The following NID1 variants were observed in gnomAD, a reference collection of about 807,000 sequenced individuals.
NID1 encodes nidogen-1.
Under a neutral mutation model 130.6 loss-of-function variants are expected in NID1, and 76 were observed. The observed-to-expected ratio is 0.58, with a 90% confidence interval of 0.48 to 0.70. NID1 has a LOEUF of 0.70. Among genes scored for constraint, NID1 ranks in the 30% least tolerant of loss-of-function variants. The pLI, the probability that NID1 is intolerant of heterozygous loss-of-function variation, is 0.00. For missense variants in NID1, 1,517 were observed against 1,664.8 expected (o/e 0.91, Z 1.54); for synonymous variants, 665 against 675.1 (o/e 0.98, Z 0.23).
Position 235,978,993 on chromosome 1 carries a change from AC to A in NID1, c.3622+1del. 6.2e-7 allele frequency: 1 copy of A among 1,606,904 alleles called. No individual in the cohort carries two copies. Among genetic ancestry groups the A allele is most frequent in the Non-Finnish European group, 8.5e-7 (1 of 1,173,480 alleles). On this transcript the variant is annotated splice_donor_variant, in intron 19 of 19. Coordinates refer to ENST00000264187, the MANE Select transcript of NID1 (RefSeq NM_002508.3). LOFTEE classifies it high-confidence loss of function. The stretch of plus-strand genomic sequence containing the variant: ...CCAACAGTAACAGCACAGGAGAGTT[AC>A]CTTGCGGACACTGAGACAGGGCCGT...
chr1:235,991,017 C>A lies in NID1; in HGVS notation c.2797G>T (p.Val933Leu). 1 of 1,610,966 alleles carries A rather than the reference C, an allele frequency of 6.2e-7. No homozygotes were observed. The highest frequency in any genetic ancestry group is 1.1e-5 in the South Asian group (1 of 90,690). ...GGCAAGGGGATCACGGCGGTAGGCA[C>A]CGCAGGTCCTTGGTGAATCGGGGGA... ...VAPPIHQGPA[V>L]PTAVIPLPPG... The change falls in exon 14 of 20, where the codon GTG (valine) becomes TTG (leucine). Residue 933 changes from valine (V) to leucine (L), a missense_variant. Transcript: ENST00000264187.
chr1:235,978,990 G>C lies in NID1; in HGVS notation c.3622+5C>G. 1 of 1,603,598 alleles carries C rather than the reference G, an allele frequency of 6.2e-7. No homozygotes were observed. The highest frequency in any genetic ancestry group is 8.5e-7 in the Non-Finnish European group (1 of 1,170,468). On this transcript the variant is annotated splice_donor_5th_base_variant and intron_variant, in intron 19 of 19. Coordinates refer to ENST00000264187, the MANE Select transcript of NID1 (RefSeq NM_002508.3). Reference sequence around the variant, plus strand: ...ATGCCAACAGTAACAGCACAGGAGAGTTACCTTGCGGACACTGAGACAGGG... The same window carrying C: ...ATGCCAACAGTAACAGCACAGGAGACTTACCTTGCGGACACTGAGACAGGG...
chr1:236,038,376 C>T, intron 4 of NID1, 123 bp from the exon 5 acceptor site: 1 of 980,876 alleles, frequency 1.0e-6, no homozygotes, highest in Non-Finnish European at 1.5e-6. Context: ...ATTCAAGGGA[C>T]CAGGCTCACT....
intron 12 of NID1, among the ~76,000 whole-genome samples, chr1:236,009,245 C>T (rs1028726947): frequency 2.0e-5 from 3 of 152,176 alleles, no homozygotes; most frequent in African/African-American, 7.2e-5. Context: ...AGACCTCTTG[C>T]CCTTTCTACC....
At chr1:236,011,046 T>C (rs1342375134) in intron 12 of NID1, among the ~76,000 whole-genome samples, 3 of 152,044 alleles carry the variant, frequency 2.0e-5, no homozygotes, top group Non-Finnish European at 2.9e-5. Flanking sequence ...AAAAAAAGTG[T>C]ACCTGCACCA....
intron 1 of NID1, among the ~76,000 whole-genome samples, chr1:236,063,759 C>T (rs1660110817): frequency 6.6e-6 from 1 of 152,124 alleles, no homozygotes; most frequent in South Asian, 2.1e-4. Flanking sequence ...TGCACCCAGC[C>T]TGGGCAACAG....
chr1:236,036,962 T>G (rs1361833342), intron 5 of NID1, among the ~76,000 whole-genome samples: 2 of 152,180 alleles, frequency 1.3e-5, no homozygotes, highest in African/African-American at 4.8e-5. Flanking sequence ...TAAGACCGCA[T>G]CTGAAGGGAG....
rs1658441382 is a variant in NID1 at position 236,012,014 on chromosome 1, G to C, written c.2434C>G (p.His812Asp). The C allele has an allele frequency of 6.2e-7, 1 of 1,614,066 alleles. No homozygotes were observed. The highest frequency in any genetic ancestry group is 1.3e-5 in the African/African-American group (1 of 75,054). ...DVDECQPSRCHPDAFCYNTPG... is the reference protein window; with the variant it reads ...DVDECQPSRCDPDAFCYNTPG... ...GTGTTGTAGCAGAAGGCGTCAGGGTGACATCGGCTTGGCTGGCATTCATCT... is the reference window on the plus strand; with the variant it reads ...GTGTTGTAGCAGAAGGCGTCAGGGTCACATCGGCTTGGCTGGCATTCATCT... The change falls in exon 12 of 20, where the codon CAC becomes GAC. Residue 812 changes from histidine to aspartate, a missense_variant. Coordinates refer to ENST00000264187, the MANE Select transcript of NID1 (RefSeq NM_002508.3).
intron 9 of NID1, among the ~76,000 whole-genome samples, chr1:236,017,675 C>T (rs1311246580): frequency 1.3e-5 from 2 of 152,196 alleles, no homozygotes; most frequent in Non-Finnish European, 2.9e-5. Context: ...TGAGCCACCG[C>T]CCCTAGCCTA....
chr1:236,001,799 CCT>C (rs1248371566), intron 12 of NID1, among the ~76,000 whole-genome samples: 2 of 152,206 alleles, frequency 1.3e-5, no homozygotes, highest in African/African-American at 4.8e-5. Flanking sequence ...TTGCACTCCT[CCT>C]CTGTGTGCAG....
intron 1 of NID1, among the ~76,000 whole-genome samples, chr1:236,056,867 C>G (rs1659911142): frequency 6.6e-6 from 1 of 151,968 alleles, no homozygotes; most frequent in African/African-American, 2.4e-5. Context: ...GCCTGAGGCA[C>G]CCCATACAGT....
intron 7 of NID1, among the ~76,000 whole-genome samples, chr1:236,026,698 GT>G (rs1658939808): frequency 6.6e-6 from 1 of 151,386 alleles, no homozygotes; most frequent in Non-Finnish European, 1.5e-5. Context: ...CTTTATATAG[GT>G]TATCTCAATT....
intron 3 of NID1, among the ~76,000 whole-genome samples, chr1:236,043,599 C>T (rs1409497058): frequency 1.3e-5 from 2 of 152,048 alleles, no homozygotes; most frequent in Non-Finnish European, 2.9e-5. Flanking sequence ...GAGATCGAGA[C>T]CATCCTGGCT....
chr1:236,055,499 A>G (rs1376406044), intron 1 of NID1, among the ~76,000 whole-genome samples: 2 of 151,996 alleles, frequency 1.3e-5, no homozygotes, highest in African/African-American at 2.4e-5. Flanking sequence ...TTAAAAACAT[A>G]TAACAGGTCT....
At chr1:236,009,827 T>C (rs996070318) in intron 12 of NID1, among the ~76,000 whole-genome samples, 1 of 152,232 alleles carries the variant, frequency 6.6e-6, no homozygotes, top group East Asian at 1.9e-4. Context: ...TACACGTTTC[T>C]AGTGAACACT....
chr1:236,029,070 G>A (rs767899556), intron 7 of NID1, among the ~76,000 whole-genome samples: 45 of 151,966 alleles, frequency 3.0e-4, no homozygotes, highest in Non-Finnish European at 5.9e-4. Context: ...CCAGCTACTT[G>A]GGAAGCTGAG....
chr1:236,064,647 C>A, intron 1 of NID1: 1 of 615,116 alleles, frequency 1.6e-6, no homozygotes, highest in Non-Finnish European at 2.9e-6. Flanking sequence ...CACCCAGACC[C>A]CGCGACCCGC....
chr1:235,979,994 C>T lies in NID1; in HGVS notation c.3386-49G>A, dbSNP rs1252299539. On this transcript the variant is annotated intron_variant, in intron 17 of 19. Transcript: ENST00000264187. This position sits in a 1 kb window ranked among gnomAD's most constrained non-coding sequence, Gnocchi z 4.6. The stretch of plus-strand genomic sequence containing the variant: ...TTCATTGTTCACACAAGAAATGGCC[C>T]CTTTGTGCAAAAAAAACAAGAGTAA... 3 of 1,592,764 alleles carry T rather than the reference C, an allele frequency of 1.9e-6. No individual in the cohort carries two copies. Among genetic ancestry groups the T allele is most frequent in the Middle Eastern group, 1.7e-4 (1 of 6,002 alleles).
rs1658914610 is a variant in NID1, at chr1:236,025,885, T to C, written c.1984+11A>G. On this transcript the variant is annotated intron_variant, in intron 8 of 19. Coordinates refer to ENST00000264187, the MANE Select transcript of NID1 (RefSeq NM_002508.3). ...GAGCACCTGTGCCCAGCATGAGCTG[T>C]ATCCCCTTACCCCTCACAGGCCCAA... 1 of 1,612,926 alleles carries C rather than the reference T, an allele frequency of 6.2e-7. No homozygotes were observed. The highest frequency in any genetic ancestry group is 1.3e-5 in the African/African-American group (1 of 74,874).
Sources: allele counts gnomAD v4.1 joint callset (sites outside exome capture counted in the v4.1 genomes callset), GRCh38; gene constraint gnomAD v4.1.1; non-coding constraint Gnocchi (gnomAD v3.1); transcripts MANE v1.5; gene names NCBI Gene and HGNC (gene_info 2026-07-23, HGNC 2026-07-21).